LSAMP: variants seen among roughly 807,000 people sequenced by gnomAD.
LSAMP encodes the protein limbic system associated membrane protein, also known as limbic system-associated membrane protein.
In LSAMP, 7 loss-of-function variants were observed where a neutral mutation model predicts 38.6. That is an observed-to-expected ratio of 0.18 (90% CI 0.10 to 0.34). The LOEUF (loss-of-function observed/expected upper bound fraction) is 0.34, where lower values mean the gene tolerates loss of function less well. Among genes scored for constraint, LSAMP ranks in the 10% least tolerant of loss-of-function variants. The probability of loss-of-function intolerance (pLI) is 1.00; values close to 1 mark genes in which losing one functional copy is unlikely to be tolerated. For synonymous variants in LSAMP, 154 were observed against 166.8 expected (o/e 0.92, Z 0.59); for missense variants, 313 against 420.0 (o/e 0.75, Z 2.23).
chr3:116,208,906 C>A (rs1442097160), intron 1 of LSAMP, among the ~76,000 whole-genome samples: 5 of 152,224 alleles, frequency 3.3e-5, no homozygotes, highest in Non-Finnish European at 7.3e-5. Context: ...GGCAGGCCTC[C>A]TTGAGCTGTG....
intron 2 of LSAMP, among the ~76,000 whole-genome samples, chr3:116,082,741 G>A (rs1412298356): frequency 2.0e-5 from 3 of 152,142 alleles, no homozygotes; most frequent in Non-Finnish European, 4.4e-5. Context: ...TTGCAGGAAC[G>A]TAGGTGGGGC....
chr3:116,133,607 C>G (rs1188523282), intron 1 of LSAMP, among the ~76,000 whole-genome samples: 1 of 152,132 alleles, frequency 6.6e-6, no homozygotes, highest in Non-Finnish European at 1.5e-5. Flanking sequence ...GCCACAGACC[C>G]AGCCTCTTTC....
intron 1 of LSAMP, among the ~76,000 whole-genome samples, chr3:116,326,779 T>C (rs1314592361): frequency 6.6e-6 from 1 of 152,158 alleles, no homozygotes; most frequent in East Asian, 1.9e-4. Flanking sequence ...TAATTCTTCA[T>C]ATGAACTTCA....
At chr3:115,953,233 T>C (rs1241450044) in intron 3 of LSAMP, among the ~76,000 whole-genome samples, 1 of 152,186 alleles carries the variant, frequency 6.6e-6, no homozygotes, top group Non-Finnish European at 1.5e-5. Context: ...GCTGATACAG[T>C]GTAACCAGCT....
intron 1 of LSAMP, among the ~76,000 whole-genome samples, chr3:116,429,740 C>A (rs2049254770): frequency 6.6e-6 from 1 of 151,988 alleles, no homozygotes; most frequent in Admixed American, 6.6e-5. Flanking sequence ...AGGGTCAAGG[C>A]CTGGGATAAC....
rs149090036 is a variant in LSAMP at position 116,078,277 on chromosome 3, C to CATTTATTTA, written c.388+8046_388+8047insTAAATAAAT. ...ATAATACAAAAGGGCTTTATATCCTCTTTATTTATTTATTTATTTATTTAT... is the reference window on the plus strand; with the variant it reads ...ATAATACAAAAGGGCTTTATATCCTCATTTATTTATTTATTTATTTATTTATTTATTTAT... On this transcript the variant is annotated intron_variant, in intron 2 of 6. Coordinates refer to ENST00000490035, the MANE Select transcript of LSAMP (RefSeq NM_002338.5). Among the ~76,000 whole-genome samples the CATTTATTTA allele has an allele frequency of 3.9e-3, 592 of 150,176 alleles. 3 individuals are homozygous for CATTTATTTA. Among genetic ancestry groups the CATTTATTTA allele is most frequent in the African/African-American group, 0.014 (573 of 41,124 alleles).
At position 116,106,515 on chromosome 3, in the gene LSAMP, A is replaced by C. The variant is rs1576365988; in HGVS notation, c.156-19959T>G. ...ACTTCTGAGAAGGGAAAGTGGTAAAAGTATTGTCCAGTCCTTTTTAAGTTG... is the reference window on the plus strand; with the variant it reads ...ACTTCTGAGAAGGGAAAGTGGTAAACGTATTGTCCAGTCCTTTTTAAGTTG... On this transcript the variant is annotated intron_variant, in intron 1 of 6. Transcript: ENST00000490035. 2.0e-5 allele frequency among the ~76,000 whole-genome samples: 3 copies of C among 152,256 alleles called. No individual in the cohort carries two copies. The East Asian group carries it at 5.8e-4, about 29-fold the overall frequency.
chr3:115,821,199 C>T (rs1441515771), intron 6 of LSAMP, among the ~76,000 whole-genome samples: 2 of 152,092 alleles, frequency 1.3e-5, no homozygotes, highest in Admixed American at 1.3e-4. Context: ...GAAAGATGCT[C>T]CATTGGAAAC....
chr3:116,315,495 G>T (rs1382145183), intron 1 of LSAMP, among the ~76,000 whole-genome samples: 5 of 152,138 alleles, frequency 3.3e-5, no homozygotes, highest in Admixed American at 2.0e-4. Context: ...AGTCAATTTA[G>T]TATCCCCTAT....
At chr3:116,115,341 C>T (rs1708717484) in intron 1 of LSAMP, among the ~76,000 whole-genome samples, 1 of 152,200 alleles carries the variant, frequency 6.6e-6, no homozygotes, top group Non-Finnish European at 1.5e-5. Context: ...TGTAGGTACC[C>T]TAATGATCCC....
intron 3 of LSAMP, among the ~76,000 whole-genome samples, chr3:115,918,622 A>G (rs1281324379): frequency 1.3e-5 from 2 of 152,034 alleles, no homozygotes; most frequent in Admixed American, 1.3e-4. Flanking sequence ...GTGATGATGA[A>G]CTGCAACTCT....
chr3:115,906,359 G>C (rs947534422), intron 3 of LSAMP, among the ~76,000 whole-genome samples: 1 of 152,106 alleles, frequency 6.6e-6, no homozygotes, highest in Non-Finnish European at 1.5e-5. Context: ...TTGCATGTAA[G>C]TCCTGGGAAA....
intron 1 of LSAMP, among the ~76,000 whole-genome samples, chr3:116,428,041 T>C (rs1007025858): frequency 5.3e-5 from 8 of 152,208 alleles, no homozygotes; most frequent in African/African-American, 1.7e-4. Flanking sequence ...TTTGTATTTG[T>C]TCCCCATCTT....
chr3:116,318,882 C>A (rs1056991071), intron 1 of LSAMP, among the ~76,000 whole-genome samples: 1 of 152,026 alleles, frequency 6.6e-6, no homozygotes, highest in Middle Eastern at 3.4e-3. Flanking sequence ...GAACTCCCAA[C>A]CTCTATTCTA....
intron 1 of LSAMP, among the ~76,000 whole-genome samples, chr3:116,324,623 A>T (rs2047745942): frequency 6.6e-6 from 1 of 152,136 alleles, no homozygotes; most frequent in Non-Finnish European, 1.5e-5. Flanking sequence ...TCTCCCCTGG[A>T]TGCTCTTGTC....
rs1348550230 is a variant in LSAMP at position 116,382,488 on chromosome 3, A to G, written c.155+62389T>C. On this transcript the variant is annotated intron_variant, in intron 1 of 6. Transcript: ENST00000490035. ...TTGGACACAGGAAGGGGAACATCACACACCGGGGCCTGTCATGGGGTCGGG... is the reference window on the plus strand; with the variant it reads ...TTGGACACAGGAAGGGGAACATCACGCACCGGGGCCTGTCATGGGGTCGGG... Among the ~76,000 whole-genome samples, 5 of 131,324 alleles carry G rather than the reference A, an allele frequency of 3.8e-5. No homozygotes were observed. In the Admixed American group the frequency reaches 4.3e-4, roughly 11 times the overall value. The allele number at this position is 131,324 out of a possible 152,430, so 86.2% of individuals were successfully genotyped here. A position where few individuals can be genotyped will look rare whatever the true frequency, so the allele number is the denominator to read the frequency against.
chr3:116,008,174 C>G (rs533462619), intron 3 of LSAMP, among the ~76,000 whole-genome samples: 2 of 152,246 alleles, frequency 1.3e-5, no homozygotes, highest in African/African-American at 4.8e-5. Context: ...TAAATCACTT[C>G]CGTATGGATT....
chr3:116,367,418 C>G (rs537494375), intron 1 of LSAMP, among the ~76,000 whole-genome samples: 2 of 151,694 alleles, frequency 1.3e-5, no homozygotes, highest in Admixed American at 1.3e-4. Flanking sequence ...TCAGATGTAC[C>G]TCTCTCACCA....
At chr3:116,158,449 A>G (rs1709807226) in intron 1 of LSAMP, among the ~76,000 whole-genome samples, 1 of 152,216 alleles carries the variant, frequency 6.6e-6, no homozygotes, top group Non-Finnish European at 1.5e-5. Flanking sequence ...AGATAACACC[A>G]TAGTATCTGC....
Sources: gnomAD v4.1 joint callset for allele counts (sites outside exome capture counted in the v4.1 genomes callset) on GRCh38, gnomAD v4.1.1 for gene constraint, MANE v1.5 for transcripts, NCBI Gene and HGNC (gene_info 2026-07-23, HGNC 2026-07-21) for gene names.